ANKDD1B: variants seen among roughly 807,000 people sequenced by gnomAD.
The protein encoded by ANKDD1B is ankyrin repeat and death domain-containing protein 1B.
ANKDD1B carries 57 observed loss-of-function variants against 59.7 expected under a neutral mutation model. The observed-to-expected ratio is 0.95, with a 90% CI of 0.77 to 1.19. ANKDD1B has a LOEUF of 1.19. Ranked by LOEUF, ANKDD1B falls within the 50% of genes most tolerant of loss-of-function variation. The probability of loss-of-function intolerance (pLI) is 0.00; values close to 1 mark genes in which losing one functional copy is unlikely to be tolerated. For missense variants in ANKDD1B, 602 were observed against 641.9 expected, an observed-to-expected ratio of 0.94 and a Z score of 0.67; for synonymous variants, 216 against 239.5, an observed-to-expected ratio of 0.90 and a Z score of 0.91.
In ANKDD1B at chr5:75,671,012, C is replaced by A; in HGVS notation, c.1559C>A (p.Ser520Ter). The change falls in exon 14 of 14, where the codon TCA becomes TAA. Residue 520 changes from serine (S) to a stop codon, truncating the protein, a stop_gained. Coordinates refer to ENST00000601380, the MANE Select transcript of ANKDD1B (RefSeq NM_001276713.2). LOFTEE classifies it high-confidence loss of function. ...CGTCATTTCAAAAGCAAAACTGACTCAAACTCCAAGAAATGTGTAGTTTCA... is the reference window on the plus strand; with the variant it reads ...CGTCATTTCAAAAGCAAAACTGACTAAAACTCCAAGAAATGTGTAGTTTCA... ...KTRHFKSKTD[S>*]NSKKCVVS The A allele has an allele frequency of 8.1e-7, 1 of 1,230,092 alleles. No individual in the cohort carries two copies. The highest frequency in any genetic ancestry group is 4.1e-5 in the South Asian group (1 of 24,258). 76.2% of individuals were successfully genotyped at this position (1,230,092 alleles called of 1,614,324 possible).
chr5:75,658,138 A>G (rs959975821), intron 9 of ANKDD1B, among the ~76,000 whole-genome samples: 2 of 152,162 alleles, frequency 1.3e-5, no homozygotes, highest in African/African-American at 4.8e-5. Context: ...TCGAGGTTAC[A>G]GTGAGCTACT....
rs1775055624 is a variant in ANKDD1B at position 75,659,323 on chromosome 5, A to G, written c.1037A>G (p.Asn346Ser). The G allele has an allele frequency of 2.0e-6, 3 of 1,536,116 alleles. No homozygotes were observed. The highest frequency in any genetic ancestry group is 1.7e-6 in the Non-Finnish European group (2 of 1,146,908). The change falls in exon 10 of 14, where the codon AAT becomes AGT. Residue 346 changes from asparagine to serine, a missense_variant. Physicochemically the swap from Asn to Ser is conservative, Grantham distance 46. Coordinates refer to ENST00000601380, the MANE Select transcript of ANKDD1B (RefSeq NM_001276713.2). ...CTGCATGTAGCTGCTGATCGTGGAA[A>G]TGTGGAACTGGTGGAAACCCTGCTG... ...TPLHVAADRGNVELVETLLKA... is the reference protein window; with the variant it reads ...TPLHVAADRGSVELVETLLKA...
chr5:75,650,323 A>G (rs1233722296), intron 7 of ANKDD1B, among the ~76,000 whole-genome samples: 1 of 152,204 alleles, frequency 6.6e-6, no homozygotes, highest in Admixed American at 6.5e-5. Flanking sequence ...CAGTGATGCA[A>G]TGTGAGAAGG....
intron 7 of ANKDD1B, among the ~76,000 whole-genome samples, chr5:75,649,073 A>G (rs1299885512): frequency 2.6e-5 from 4 of 152,096 alleles, no homozygotes; most frequent in African/African-American, 9.7e-5. Flanking sequence ...TTAGGGCCCT[A>G]TTAACTGCCC....
At chr5:75,649,944 C>CA (rs1774785357) in intron 7 of ANKDD1B, among the ~76,000 whole-genome samples, 1 of 152,194 alleles carries the variant, frequency 6.6e-6, no homozygotes, top group Non-Finnish European at 1.5e-5. Context: ...CATATCCCTC[C>CA]ACTATCTAAA....
At chr5:75,668,092 C>T (rs1025514826) in intron 12 of ANKDD1B, among the ~76,000 whole-genome samples, 4 of 152,042 alleles carry the variant, frequency 2.6e-5, no homozygotes, top group Non-Finnish European at 5.9e-5. Context: ...CCTCCTGGAA[C>T]TCTAACTTGA....
intron 1 of ANKDD1B, among the ~76,000 whole-genome samples, chr5:75,612,318 G>GCCC (rs757100948): frequency 2.0e-5 from 2 of 99,680 alleles, no homozygotes; most frequent in African/African-American, 7.7e-5. Context: ...GTCTGCCCCC[G>GCCC]CCCCCCCCCG....
At chr5:75,620,186 G>T in intron 2 of ANKDD1B, 129 bp from the exon 3 acceptor site, 1 of 581,968 alleles carries the variant, frequency 1.7e-6, no homozygotes, top group South Asian at 2.2e-5. Context: ...CAAAGGTAAA[G>T]GCAAAGAGTG....
Position 75,612,362 on chromosome 5 carries a change from G to A in ANKDD1B, c.193+535G>A, listed in dbSNP as rs1042158089. ...CCCGCCCCCGCCCTCCGCCCCGCGT[G>A]TAGGGTCTTGTTGCTCTGTTGCACA... is the stretch of plus-strand genomic sequence containing the variant. On this transcript the variant is annotated intron_variant, in intron 1 of 13. Transcript: ENST00000601380. Among the ~76,000 whole-genome samples, 4 of 67,934 alleles carry A rather than the reference G, an allele frequency of 5.9e-5. No individual in the cohort carries two copies. In the East Asian group the frequency reaches 1.3e-3, roughly 22 times the overall value. The allele number at this position is 67,934 out of a possible 152,430, so 44.6% of individuals were successfully genotyped here.
chr5:75,648,482 G>A (rs1047621144), intron 7 of ANKDD1B, among the ~76,000 whole-genome samples: 1 of 152,004 alleles, frequency 6.6e-6, no homozygotes, highest in African/African-American at 2.4e-5. Context: ...TAATTATTTT[G>A]CCCTTAAGTA....
chr5:75,638,065 T>G (rs1561439665), intron 7 of ANKDD1B, among the ~76,000 whole-genome samples: 1 of 152,218 alleles, frequency 6.6e-6, no homozygotes, highest in Non-Finnish European at 1.5e-5. Context: ...GATTTAAGTT[T>G]CAACATGAAT....
Position 75,669,384 on chromosome 5 carries a change from G to GC in ANKDD1B, c.1525+1_1525+2insC, listed in dbSNP as rs1438035670. 8.1e-7 allele frequency: 1 copy of GC among 1,232,140 alleles called. No individual in the cohort carries two copies. Among genetic ancestry groups the GC allele is most frequent in the African/African-American group, 1.5e-5 (1 of 64,536 alleles). 76.3% of individuals were successfully genotyped at this position (1,232,140 alleles called of 1,614,324 possible). ...CACGCAGGTTTCCCAAAACTAGCTG[G>GC]TAAGTGACAGTTTCAACAACAGAAA... is the stretch of plus-strand genomic sequence containing the variant. On this transcript the variant is annotated splice_donor_variant, in intron 13 of 13. Coordinates refer to ENST00000601380, the MANE Select transcript of ANKDD1B (RefSeq NM_001276713.2). LOFTEE classifies it high-confidence loss of function.
intron 7 of ANKDD1B, among the ~76,000 whole-genome samples, chr5:75,650,763 C>G (rs1774809678): frequency 6.6e-6 from 1 of 152,174 alleles, no homozygotes; most frequent in South Asian, 2.1e-4. Context: ...AACAATCCAA[C>G]CCAAAGCTCA....
chr5:75,665,935 A>G (rs892611228), intron 11 of ANKDD1B, among the ~76,000 whole-genome samples: 2 of 152,090 alleles, frequency 1.3e-5, no homozygotes, highest in African/African-American at 4.8e-5. Flanking sequence ...GTCACTATAC[A>G]TGAGAAAGGA....
At chr5:75,648,267 T>TAAAAAAAA (rs57389631) in intron 7 of ANKDD1B, among the ~76,000 whole-genome samples, 4 of 87,426 alleles carry the variant, frequency 4.6e-5, no homozygotes, top group Non-Finnish European at 1.1e-4. Flanking sequence ...AAAAAAAAAT[T>TAAAAAAAA]AAAAAAAAAA....
At chr5:75,649,184 CTTTTTTTT>C (rs35027297) in intron 7 of ANKDD1B, among the ~76,000 whole-genome samples, 1 of 125,942 alleles carries the variant, frequency 7.9e-6, no homozygotes, top group Non-Finnish European at 1.7e-5. Context: ...TTCCTCTTTA[CTTTTTTTT>C]TTTTTTTTTG....
intron 8 of ANKDD1B, 105 bp downstream of exon 8, chr5:75,653,345 AG>A (rs1254044471): frequency 1.5e-5 from 11 of 740,230 alleles, no homozygotes; most frequent in Non-Finnish European, 2.5e-5. Context: ...ATGTTTCACA[AG>A]GGAGGAATTC....
intron 7 of ANKDD1B, among the ~76,000 whole-genome samples, chr5:75,636,617 G>A (rs1481426515): frequency 6.6e-6 from 1 of 152,210 alleles, no homozygotes; most frequent in Non-Finnish European, 1.5e-5. Flanking sequence ...TGTCACAGCT[G>A]TTTGAAAGGT....
intron 2 of ANKDD1B, among the ~76,000 whole-genome samples, chr5:75,619,263 C>T: frequency 6.6e-6 from 1 of 152,232 alleles, no homozygotes; most frequent in East Asian, 1.9e-4. Flanking sequence ...CAACCTTACA[C>T]AGAAAATATT....
Sources: gnomAD v4.1 joint callset for allele counts (sites outside exome capture counted in the v4.1 genomes callset) on GRCh38, gnomAD v4.1.1 for gene constraint, MANE v1.5 for transcripts, NCBI Gene and HGNC (gene_info 2026-07-23, HGNC 2026-07-21) for gene names.